Variants in NELL1 observed in about 807,000 individuals in gnomAD.
NELL1 encodes neural EGFL like 1.
A neutral mutation model predicts 107.4 loss-of-function variants in NELL1; 76 were observed. The ratio of observed to expected loss-of-function variants is 0.71; its 90% CI spans 0.59 to 0.86. The LOEUF (loss-of-function observed/expected upper bound fraction) is 0.86. NELL1 is among the 40% of genes least tolerant of loss of function. The pLI is 0.00. For missense variants in NELL1, 1,024 were observed against 1,005.5 expected, an observed-to-expected ratio of 1.02 and a Z score of -0.25; for synonymous variants, 353 against 341.2, an observed-to-expected ratio of 1.03 and a Z score of -0.38.
chr11:21,285,788 A>G (rs1012263130), intron 14 of NELL1, among the ~76,000 whole-genome samples: 1 of 152,242 alleles, frequency 6.6e-6, no homozygotes, highest in Non-Finnish European at 1.5e-5. Context: ...ATGTGTGTAT[A>G]AAACAAAACA....
intron 14 of NELL1, among the ~76,000 whole-genome samples, chr11:21,327,087 G>A (rs1237240954): frequency 1.3e-5 from 2 of 150,616 alleles, no homozygotes; most frequent in African/African-American, 4.9e-5. Context: ...GAGGGAACTG[G>A]TGGGAGGTTA....
At chr11:20,787,615 A>G (rs999738101) in intron 3 of NELL1, among the ~76,000 whole-genome samples, 11 of 152,174 alleles carry the variant, frequency 7.2e-5, no homozygotes, top group African/African-American at 2.7e-4. Flanking sequence ...TCAGACACCC[A>G]GGTTCTTTTT....
At chr11:21,072,440 C>T (rs969275062) in intron 12 of NELL1, among the ~76,000 whole-genome samples, 21 of 152,106 alleles carry the variant, frequency 1.4e-4, no homozygotes, top group African/African-American at 5.1e-4. Flanking sequence ...TTTTTTCTCC[C>T]CAGCTGCAGA....
intron 10 of NELL1, among the ~76,000 whole-genome samples, chr11:20,946,483 G>A (rs1054827830): frequency 2.6e-5 from 4 of 152,140 alleles, no homozygotes; most frequent in Non-Finnish European, 5.9e-5. Flanking sequence ...ATGAAGTAAG[G>A]TCATAAAGAT....
At chr11:20,748,320 A>G (rs1024590143) in intron 2 of NELL1, among the ~76,000 whole-genome samples, 1 of 152,160 alleles carries the variant, frequency 6.6e-6, no homozygotes, top group Non-Finnish European at 1.5e-5. Flanking sequence ...TGAATACCTC[A>G]TATTCCCTCA....
At chr11:21,295,637 G>A (rs1056802317) in intron 14 of NELL1, among the ~76,000 whole-genome samples, 1 of 152,018 alleles carries the variant, frequency 6.6e-6, no homozygotes, top group African/African-American at 2.4e-5. Flanking sequence ...TTGGGAATAC[G>A]CATAATTTCT....
intron 2 of NELL1, among the ~76,000 whole-genome samples, chr11:20,723,131 A>G (rs1294167775): frequency 6.6e-6 from 1 of 152,198 alleles, no homozygotes; most frequent in Non-Finnish European, 1.5e-5. Context: ...GTGGGAATAC[A>G]GAACCAAACC....
intron 14 of NELL1, among the ~76,000 whole-genome samples, chr11:21,331,289 CT>C (rs906539086): frequency 2.0e-5 from 3 of 151,704 alleles, no homozygotes; most frequent in East Asian, 1.9e-4. Context: ...GCATGTTTCC[CT>C]TTTTTTTAGA....
chr11:21,027,300 GTTT>G (rs1222029734), intron 12 of NELL1, among the ~76,000 whole-genome samples: 76 of 148,038 alleles, frequency 5.1e-4, no homozygotes, highest in African/African-American at 1.9e-3. Flanking sequence ...GTTTAGTTTA[GTTT>G]AGTTTAGTTT....
At chr11:20,698,520 C>T (rs896191674) in intron 2 of NELL1, among the ~76,000 whole-genome samples, 2 of 152,150 alleles carry the variant, frequency 1.3e-5, no homozygotes, top group African/African-American at 4.8e-5. Context: ...GGGCAAATTG[C>T]TTCATCTCTT....
intron 15 of NELL1, among the ~76,000 whole-genome samples, chr11:21,384,524 C>T (rs968914657): frequency 6.6e-6 from 1 of 151,848 alleles, no homozygotes; most frequent in Non-Finnish European, 1.5e-5. Context: ...TATACATGTG[C>T]CATGCTGGTG....
intron 15 of NELL1, among the ~76,000 whole-genome samples, chr11:21,529,521 T>G (rs553174088): frequency 6.6e-6 from 1 of 151,948 alleles, no homozygotes; most frequent in East Asian, 1.9e-4. Flanking sequence ...TTTATGTTGC[T>G]GATTTTACTT....
intron 12 of NELL1, among the ~76,000 whole-genome samples, chr11:21,072,895 G>A (rs1194859454): frequency 6.6e-6 from 1 of 152,116 alleles, no homozygotes; most frequent in African/African-American, 2.4e-5. Context: ...TACAGCTGTA[G>A]CCCATATTTC....
At chr11:21,220,053 T>C (rs1239672202) in intron 13 of NELL1, among the ~76,000 whole-genome samples, 2 of 152,170 alleles carry the variant, frequency 1.3e-5, no homozygotes, top group Non-Finnish European at 2.9e-5. Flanking sequence ...AGAACAGCAA[T>C]TGGGAAATCT....
intron 14 of NELL1, among the ~76,000 whole-genome samples, chr11:21,279,516 T>G (rs1848944292): frequency 6.6e-6 from 1 of 152,214 alleles, no homozygotes; most frequent in African/African-American, 2.4e-5. Context: ...CAACATTTTA[T>G]GTTATTAAGG....
chr11:21,412,892 C>T (rs1448896837), intron 15 of NELL1, among the ~76,000 whole-genome samples: 4 of 152,050 alleles, frequency 2.6e-5, no homozygotes, highest in South Asian at 4.1e-4. Flanking sequence ...CACATTGCAA[C>T]CCTTAGCCAA....
At chr11:21,307,013 T>C (rs1260184088) in intron 14 of NELL1, among the ~76,000 whole-genome samples, 4 of 152,022 alleles carry the variant, frequency 2.6e-5, no homozygotes, top group African/African-American at 9.7e-5. Context: ...GGGTATTGAG[T>C]CAATAGCGTG....
At chr11:20,993,932 C>A (rs1852034939) in intron 12 of NELL1, among the ~76,000 whole-genome samples, 1 of 150,910 alleles carries the variant, frequency 6.6e-6, no homozygotes, top group South Asian at 2.1e-4. Flanking sequence ...TCAGGCATTA[C>A]CATTTTATGC....
At chr11:21,512,767 A>C (rs939267103) in intron 15 of NELL1, among the ~76,000 whole-genome samples, 1 of 152,142 alleles carries the variant, frequency 6.6e-6, no homozygotes, top group East Asian at 1.9e-4. Context: ...CAGATCTATA[A>C]AATGCCATCC....
Sources: allele counts gnomAD v4.1 joint callset (sites outside exome capture counted in the v4.1 genomes callset), GRCh38; gene constraint gnomAD v4.1.1; transcripts MANE v1.5; gene names NCBI Gene and HGNC (gene_info 2026-07-23, HGNC 2026-07-21).